Variants in CDK8 observed in about 807,000 individuals in gnomAD.
CDK8 encodes cyclin dependent kinase 8.
CDK8 carries 29 observed loss-of-function variants against 71.5 expected under a neutral mutation model. That is an observed-to-expected ratio of 0.41 (90% confidence interval 0.30 to 0.55). CDK8 has a LOEUF of 0.55. Among genes scored for constraint, CDK8 ranks in the 20% least tolerant of loss-of-function variants. The pLI is 0.37. For synonymous variants in CDK8, 161 were observed against 192.1 expected (o/e 0.84, Z 1.34); for missense variants, 288 against 572.6 (o/e 0.50, Z 5.07).
chr13:26,304,137 C>T (rs1158174393), intron 1 of CDK8, among the ~76,000 whole-genome samples: 3 of 150,836 alleles, frequency 2.0e-5, no homozygotes, highest in Non-Finnish European at 4.4e-5. Flanking sequence ...TGGTGGTAGG[C>T]GCCTGTAATT....
rs186401030 is a variant in CDK8, at chr13:26,355,482, G to T, written c.456+1602G>T. ...TACAAAAAATTAGCTGGGTGTGGTG[G>T]TGGGCACCTGTAATCCCAGCTACTC... is the stretch of plus-strand genomic sequence containing the variant. On this transcript the variant is annotated intron_variant, in intron 4 of 12. Coordinates refer to ENST00000381527, the MANE Select transcript of CDK8 (RefSeq NM_001260.3). Among the ~76,000 whole-genome samples, 878 of 152,238 alleles carry T rather than the reference G, an allele frequency of 5.8e-3. 10 individuals carry two copies. Among genetic ancestry groups the T allele is most frequent in the African/African-American group, 0.02 (832 of 41,518 alleles).
At chr13:26,322,477 G>A (rs1362395257) in intron 1 of CDK8, among the ~76,000 whole-genome samples, 1 of 152,042 alleles carries the variant, frequency 6.6e-6, no homozygotes, top group Admixed American at 6.6e-5. Flanking sequence ...ATTACAGTGA[G>A]TCCTTAATCC....
intron 2 of CDK8, among the ~76,000 whole-genome samples, chr13:26,341,273 C>T (rs4769496): frequency 2.8e-4 from 43 of 152,056 alleles, no homozygotes; most frequent in African/African-American, 4.6e-4. Flanking sequence ...ATTACAGGTG[C>T]GCGCCACCAC....
chr13:26,396,009 C>G (rs1426561852), intron 7 of CDK8, among the ~76,000 whole-genome samples: 1 of 152,036 alleles, frequency 6.6e-6, no homozygotes, highest in Non-Finnish European at 1.5e-5. Flanking sequence ...ACTTATTCTT[C>G]TCTAGTGACA....
chr13:26,257,508 T>A (rs1374139239), intron 1 of CDK8, among the ~76,000 whole-genome samples: 1 of 152,162 alleles, frequency 6.6e-6, no homozygotes, highest in Non-Finnish European at 1.5e-5. Context: ...GCACAATAAA[T>A]CTTGGGATTA....
At chr13:26,351,387 A>G (rs1323028831) in intron 3 of CDK8, among the ~76,000 whole-genome samples, 1 of 151,948 alleles carries the variant, frequency 6.6e-6, no homozygotes, top group Non-Finnish European at 1.5e-5. Flanking sequence ...TTCTATTTTA[A>G]AAGAAATCTA....
chr13:26,374,331 A>C (rs1387454191), intron 4 of CDK8, among the ~76,000 whole-genome samples: 1 of 152,150 alleles, frequency 6.6e-6, no homozygotes, highest in Non-Finnish European at 1.5e-5. Context: ...GCTTTAATTA[A>C]ATTTTTGTTA....
intron 1 of CDK8, among the ~76,000 whole-genome samples, chr13:26,281,062 A>G (rs1872725968): frequency 6.6e-6 from 1 of 152,260 alleles, no homozygotes; most frequent in East Asian, 1.9e-4. Context: ...TCATGACAGA[A>G]TAGCCCTGCT....
At chr13:26,342,948 G>A (rs1047399181) in intron 2 of CDK8, among the ~76,000 whole-genome samples, 1 of 152,080 alleles carries the variant, frequency 6.6e-6, no homozygotes, top group Non-Finnish European at 1.5e-5. Flanking sequence ...CTTGCAGATA[G>A]CCTCCTTCTT....
intron 1 of CDK8, among the ~76,000 whole-genome samples, chr13:26,272,983 A>G (rs1353615087): frequency 6.6e-6 from 1 of 152,116 alleles, no homozygotes; most frequent in Non-Finnish European, 1.5e-5. Context: ...GGTGTAGTCC[A>G]GTGTATCTAT....
chr13:26,380,477 G>A (rs945637688), intron 4 of CDK8, among the ~76,000 whole-genome samples: 1 of 151,550 alleles, frequency 6.6e-6, no homozygotes, highest in Non-Finnish European at 1.5e-5. Context: ...CCCCGTGCCC[G>A]GCCTTTTTTT....
At chr13:26,314,108 T>A (rs1874405467) in intron 1 of CDK8, among the ~76,000 whole-genome samples, 1 of 152,218 alleles carries the variant, frequency 6.6e-6, no homozygotes, top group African/African-American at 2.4e-5. Flanking sequence ...GAGGAAAAGA[T>A]CTCTGAGAGC....
intron 1 of CDK8, among the ~76,000 whole-genome samples, chr13:26,329,483 G>GTTTTTTTTTTTGTTTTTTTTTTTTTTT (rs543441898): frequency 7.8e-6 from 1 of 128,494 alleles, no homozygotes; most frequent in Non-Finnish European, 1.6e-5. Flanking sequence ...TTTTTTTTTT[G>GTTTTTTTTTTTGTTTTTTTTTTTTTTT]TTTTTTTTTT....
chr13:26,288,339 A>G (rs764736090), intron 1 of CDK8, among the ~76,000 whole-genome samples: 2 of 152,156 alleles, frequency 1.3e-5, no homozygotes, highest in Admixed American at 6.5e-5. Context: ...CTGTAAGGTT[A>G]CAGTTTTTTA....
At position 26,396,309 on chromosome 13, in the gene CDK8, A is replaced by AG; in HGVS notation, c.816dup (p.Met273AspfsTer3). The stretch of plus-strand genomic sequence containing the variant: ...GATAAAGATTGGGAAGATATAAAAA[A>AG]GATGCCTGAACATTCAACATTAATG... On this transcript the variant is annotated frameshift_variant, in exon 8 of 13. Coordinates refer to ENST00000381527, the MANE Select transcript of CDK8 (RefSeq NM_001260.3). LOFTEE classifies it high-confidence loss of function. 1.4e-6 allele frequency: 2 copies of AG among 1,447,142 alleles called. No homozygotes were observed. Among genetic ancestry groups the AG allele is most frequent in the Non-Finnish European group, 1.9e-6 (2 of 1,052,450 alleles). 89.6% of individuals were successfully genotyped at this position (1,447,142 alleles called of 1,614,324 possible). A position where few individuals can be genotyped will look rare whatever the true frequency, so the allele number is the denominator to read the frequency against.
Position 26,312,211 on chromosome 13 carries a change from A to G in CDK8, c.129-25356A>G, listed in dbSNP as rs566578151. ...TAGCTAAAGGATTGTAAACGCACCA[A>G]TCAGCACCCTGTAAAATGGACCAAT... On this transcript the variant is annotated intron_variant, in intron 1 of 12. Transcript: ENST00000381527. 2.8e-3 allele frequency among the ~76,000 whole-genome samples: 433 copies of G among 152,332 alleles called. 2 individuals carry two copies. The highest frequency in any genetic ancestry group is 9.5e-3 in the African/African-American group (395 of 41,590).
At chr13:26,277,946 A>G (rs1163844937) in intron 1 of CDK8, among the ~76,000 whole-genome samples, 1 of 152,218 alleles carries the variant, frequency 6.6e-6, no homozygotes, top group Non-Finnish European at 1.5e-5. Flanking sequence ...TAGGGACACA[A>G]CTGTTTTGTG....
intron 12 of CDK8, 115 bp from the exon 13 acceptor site, chr13:26,403,841 C>A: frequency 7.7e-7 from 1 of 1,298,652 alleles, no homozygotes; most frequent in Middle Eastern, 1.9e-4. Context: ...TAGTACATAG[C>A]ACAAAACCTA....
chr13:26,334,888 CT>C (rs888106616), intron 1 of CDK8, among the ~76,000 whole-genome samples: 2 of 152,172 alleles, frequency 1.3e-5, no homozygotes, highest in Non-Finnish European at 2.9e-5. Flanking sequence ...ACTCCCCCAG[CT>C]TTTTGCCTCT....
Sources: gnomAD v4.1 joint callset for allele counts (sites outside exome capture counted in the v4.1 genomes callset) on GRCh38, gnomAD v4.1.1 for gene constraint, MANE v1.5 for transcripts, NCBI Gene and HGNC (gene_info 2026-07-23, HGNC 2026-07-21) for gene names.